PITRM1: variants seen among roughly 807,000 people sequenced by gnomAD.
PITRM1 encodes the protein presequence protease, mitochondrial.
Under a neutral mutation model 129.9 loss-of-function variants are expected in PITRM1, and 100 were observed. The observed-to-expected ratio is 0.77, with a 90% CI of 0.65 to 0.91. PITRM1 has a LOEUF of 0.91. Ranked by LOEUF, PITRM1 falls within the 40% of genes least tolerant of loss-of-function variation. The probability of loss-of-function intolerance (pLI) is 0.00; values close to 1 mark genes in which losing one functional copy is unlikely to be tolerated. For missense variants in PITRM1, 1,471 were observed against 1,318.3 expected (o/e 1.12, Z -1.79); for synonymous variants, 591 against 508.8 (o/e 1.16, Z -2.17).
intron 22 of PITRM1, chr10:3,144,014 G>A (rs1840561229): frequency 5.3e-6 from 3 of 562,040 alleles, no homozygotes. Context: ...AGACCACCCA[G>A]AGCAGTAGCC....
Position 3,138,146 on chromosome 10 carries a change from T to C in PITRM1, c.3021-22A>G, listed in dbSNP as rs764734492. Reference sequence around the variant, plus strand: ...GTATCTGAGAGGAAGGCAGGCGTGGTCAGCAAGGACTGGCTTCTGCGTGAG... The same window carrying C: ...GTATCTGAGAGGAAGGCAGGCGTGGCCAGCAAGGACTGGCTTCTGCGTGAG... On this transcript the variant is annotated intron_variant, in intron 26 of 26. Transcript: ENST00000224949. The C allele has an allele frequency of 1.9e-6, 3 of 1,591,750 alleles. No homozygotes were observed. The African/African-American group carries it at 4.0e-5, about 21-fold the overall frequency.
intron 7 of PITRM1, 140 bp from the exon 8 acceptor site, chr10:3,160,470 C>G: frequency 1.5e-6 from 1 of 651,432 alleles, no homozygotes; most frequent in Non-Finnish European, 2.6e-6. Flanking sequence ...CCTTACTCAA[C>G]CAAGGTCCAA....
At position 3,147,741 on chromosome 10, in the gene PITRM1, T is replaced by C. The variant is rs748024442; in HGVS notation, c.2070-4A>G. 7.6e-6 allele frequency: 12 copies of C among 1,568,828 alleles called. No homozygotes were observed. Among genetic ancestry groups the C allele is most frequent in the Non-Finnish European group, 9.5e-6 (11 of 1,162,490 alleles). On this transcript the variant is annotated splice_polypyrimidine_tract_variant and splice_region_variant and intron_variant, in intron 18 of 26. Coordinates refer to ENST00000224949, the MANE Select transcript of PITRM1 (RefSeq NM_014889.4). ...CTCCTCTTCTTCAAAGCACGGGCTA[T>C]GGAAAAAGGAGAAGAAAAAATTCCT... is the stretch of plus-strand genomic sequence containing the variant.
intron 1 of PITRM1, chr10:3,172,164 G>GC (rs1278281437): frequency 2.2e-6 from 1 of 455,894 alleles, no homozygotes; most frequent in Admixed American, 2.3e-5. Flanking sequence ...GCCTGGGCCG[G>GC]CAGCGCTGAA....
At chr10:3,169,085 G>A (rs565835388) in intron 2 of PITRM1, among the ~76,000 whole-genome samples, 1 of 152,088 alleles carries the variant, frequency 6.6e-6, no homozygotes, top group African/African-American at 2.4e-5. Context: ...TGGGCGACAG[G>A]GTGAGTCCCA....
Position 3,172,706 on chromosome 10 carries a change from C to A in PITRM1, c.56+11G>T. ...CCAGCGCGCCGAGCGCCTCCCGTCG[C>A]AGCGTCTCACCCGCCGCTCAGCCGC... On this transcript the variant is annotated intron_variant, in intron 1 of 26. Coordinates refer to ENST00000224949, the MANE Select transcript of PITRM1 (RefSeq NM_014889.4). The A allele has an allele frequency of 1.3e-6, 2 of 1,536,096 alleles. No homozygotes were observed. The highest frequency in any genetic ancestry group is 2.4e-5 in the South Asian group (2 of 82,966).
intron 14 of PITRM1, among the ~76,000 whole-genome samples, chr10:3,151,670 G>T (rs1841529311): frequency 6.6e-6 from 1 of 152,182 alleles, no homozygotes; most frequent in African/African-American, 2.4e-5. Context: ...ACATTAAATA[G>T]ATTCAACTTG....
intron 1 of PITRM1, among the ~76,000 whole-genome samples, chr10:3,171,146 T>TAAAAAAAAAAA (rs1588736135): frequency 0.012 from 451 of 36,254 alleles, 162 homozygotes; most frequent in South Asian, 0.016. Context: ...AATCGTTCAA[T>TAAAAAAAAAAA]TAAAAAAAAA....
At chr10:3,154,706 C>T (rs533808677) in intron 14 of PITRM1, among the ~76,000 whole-genome samples, 26 of 152,058 alleles carry the variant, frequency 1.7e-4, no homozygotes, top group African/African-American at 4.8e-4. Flanking sequence ...GTTCGTTTTT[C>T]GTATATTCTG....
chr10:3,157,194 A>C, intron 12 of PITRM1, 130 bp from the exon 13 acceptor site: 2 of 919,120 alleles, frequency 2.2e-6, no homozygotes, highest in Non-Finnish European at 3.1e-6. Context: ...TTATAACAAA[A>C]GTCATGTAAT....
intron 19 of PITRM1, 111 bp from the exon 20 acceptor site, chr10:3,147,361 C>G: frequency 1.0e-6 from 1 of 988,534 alleles, no homozygotes; most frequent in Non-Finnish European, 1.6e-6. Context: ...GTTATGTGTG[C>G]GAGTGCACGG....
intron 25 of PITRM1, 168 bp downstream of exon 25, chr10:3,138,736 C>G: frequency 2.5e-6 from 2 of 790,412 alleles, no homozygotes; most frequent in Non-Finnish European, 4.6e-6. Flanking sequence ...TCTTCTCGCC[C>G]GGATGTCAGG....
chr10:3,151,842 C>G (rs1338970459), intron 14 of PITRM1, among the ~76,000 whole-genome samples: 2 of 152,114 alleles, frequency 1.3e-5, no homozygotes, highest in African/African-American at 4.8e-5. Context: ...CTCAAGTGAT[C>G]CTTCTGCCTT....
intron 2 of PITRM1, among the ~76,000 whole-genome samples, 200 bp from the exon 3 acceptor site, chr10:3,167,242 AG>A (rs1842936515): frequency 6.6e-6 from 1 of 150,784 alleles, no homozygotes; most frequent in African/African-American, 2.4e-5. Context: ...GACCTAAAAA[AG>A]GCAGATGAGA....
chr10:3,143,758 G>A (rs562822612), intron 22 of PITRM1: 15 of 685,266 alleles, frequency 2.2e-5, no homozygotes, highest in South Asian at 6.0e-5. Context: ...CAATCTTGAC[G>A]TGATGCCTTA....
At position 3,147,873 on chromosome 10, in the gene PITRM1, A is replaced by T. The variant is rs1395614015; in HGVS notation, c.2069+114T>A. Reference sequence around the variant, plus strand: ...ATAAGTCCATATGAACTACAAGTAAAAGTCAGACTTGGAAAACAACAACAC... The same window carrying T: ...ATAAGTCCATATGAACTACAAGTAATAGTCAGACTTGGAAAACAACAACAC... On this transcript the variant is annotated intron_variant, in intron 18 of 26. Coordinates refer to ENST00000224949, the MANE Select transcript of PITRM1 (RefSeq NM_014889.4). 4 of 1,186,866 alleles carry T rather than the reference A, an allele frequency of 3.4e-6. No individual in the cohort carries two copies. In the Admixed American group the frequency reaches 8.8e-5, roughly 26 times the overall value. The allele number at this position is 1,186,866 out of a possible 1,614,324, so 73.5% of individuals were successfully genotyped here. A position where few individuals can be genotyped will look rare whatever the true frequency, so the allele number is the denominator to read the frequency against.
At chr10:3,163,934 A>G in intron 6 of PITRM1, 49 bp from the exon 7 acceptor site, 2 of 1,315,818 alleles carry the variant, frequency 1.5e-6, no homozygotes, top group Non-Finnish European at 2.1e-6. Context: ...AAAATAATAC[A>G]CACGTTACAT....
intron 22 of PITRM1, 200 bp from the exon 23 acceptor site, chr10:3,143,701 C>T (rs753865954): frequency 8.5e-5 from 60 of 708,370 alleles, no homozygotes; most frequent in Non-Finnish European, 1.4e-4. Flanking sequence ...CACTGCAGTT[C>T]CGTCACTCCA....
Position 3,163,108 on chromosome 10 carries a change from G to A in PITRM1, c.791+617C>T, listed in dbSNP as rs769936857. ...ATCTATTACATGATAAGTGTTTAGG[G>A]GCTCATTATTCTAGTATCTCTACTT... On this transcript the variant is annotated intron_variant, in intron 7 of 26. Coordinates refer to ENST00000224949, the MANE Select transcript of PITRM1 (RefSeq NM_014889.4). 8 of 151,878 alleles carry A rather than the reference G, an allele frequency of 5.3e-5. No individual in the cohort carries two copies. The East Asian group carries it at 1.5e-3, about 29-fold the overall frequency. The allele number at this position is 151,878 out of a possible 1,614,324, so 9.4% of individuals were successfully genotyped here. A position where few individuals can be genotyped will look rare whatever the true frequency, so the allele number is the denominator to read the frequency against.
Sources: allele counts gnomAD v4.1 joint callset (sites outside exome capture counted in the v4.1 genomes callset), GRCh38; gene constraint gnomAD v4.1.1; transcripts MANE v1.5; gene names NCBI Gene and HGNC (gene_info 2026-07-23, HGNC 2026-07-21).